The following BCLAF3 variants were observed in gnomAD, a reference collection of about 807,000 sequenced individuals.
BCLAF3 encodes the protein transient octamer binding factor 1.
Under a neutral mutation model 51.2 loss-of-function variants are expected in BCLAF3, and 24 were observed. That is an observed-to-expected ratio of 0.47 (90% CI 0.34 to 0.66). The LOEUF (loss-of-function observed/expected upper bound fraction) is 0.66. Ranked by LOEUF, BCLAF3 falls within the 30% of genes least tolerant of loss-of-function variation. The probability of loss-of-function intolerance (pLI) is 0.01; values close to 1 mark genes in which losing one functional copy is unlikely to be tolerated. For synonymous variants in BCLAF3, 152 were observed against 176.6 expected, an observed-to-expected ratio of 0.86 and a Z score of 1.10; for missense variants, 465 against 525.1, an observed-to-expected ratio of 0.89 and a Z score of 1.12.
chrX:19,939,708 C>T (rs982363256), intron 8 of BCLAF3, among the ~76,000 whole-genome samples: 4 of 111,818 alleles, frequency 3.6e-5, no homozygotes, highest in Non-Finnish European at 7.5e-5. Context: ...TACAGCCATA[C>T]AATGGAATAT....
At chrX:19,963,573 C>G (rs1214762319) in intron 4 of BCLAF3, among the ~76,000 whole-genome samples, 2 of 111,763 alleles carry the variant, frequency 1.8e-5, no homozygotes, top group African/African-American at 6.5e-5. Flanking sequence ...GATTCCCCCC[C>G]TTTATTTCTT....
At chrX:19,936,011 G>A (rs1430047898) in intron 9 of BCLAF3, 113 bp from the exon 10 acceptor site, 1 of 586,576 alleles carries the variant, frequency 1.7e-6, no homozygotes, top group East Asian at 3.4e-5. Context: ...ACACAAAGCA[G>A]GGAGCAGGGA....
At chrX:19,982,842 G>A (rs1035771241) in intron 1 of BCLAF3, among the ~76,000 whole-genome samples, 2 of 110,491 alleles carry the variant, frequency 1.8e-5, no homozygotes, top group East Asian at 5.6e-4. Flanking sequence ...AATAAATGTG[G>A]GTGGGCTTAA....
intron 1 of BCLAF3, among the ~76,000 whole-genome samples, chrX:19,973,722 AT>A (rs746494348): frequency 1.8e-5 from 2 of 111,688 alleles, no homozygotes; most frequent in South Asian, 7.4e-4. Context: ...TTCTGGGTTT[AT>A]TTTGCAATTA....
At chrX:19,988,869 C>G (rs910546691) in intron 1 of BCLAF3, among the ~76,000 whole-genome samples, 5 of 111,668 alleles carry the variant, frequency 4.5e-5, no homozygotes, top group Non-Finnish European at 7.5e-5. Flanking sequence ...GCCTTTGCCT[C>G]ACCTAGATAA....
At chrX:19,989,723 A>G (rs2072892677) in intron 1 of BCLAF3, among the ~76,000 whole-genome samples, 1 of 111,106 alleles carries the variant, frequency 9.0e-6, no homozygotes, top group Non-Finnish European at 1.9e-5. Flanking sequence ...GTTACTTGGA[A>G]TGGGGAAACC....
chrX:19,928,098 GT>G (rs2070417178), intron 11 of BCLAF3, among the ~76,000 whole-genome samples: 1 of 105,056 alleles, frequency 9.5e-6, no homozygotes, highest in Non-Finnish European at 2.0e-5. Context: ...GCCCAGGCTG[GT>G]CTCGAACTCC....
At chrX:19,951,593 C>T (rs1354508487) in intron 7 of BCLAF3, among the ~76,000 whole-genome samples, 2 of 46,948 alleles carry the variant, frequency 4.3e-5, no homozygotes, top group African/African-American at 4.4e-4. Flanking sequence ...GAGACTCTGT[C>T]GCAAAAAAAA....
rs58949658 is a variant in BCLAF3 at position 19,932,525 on chromosome X, A to ATTTT, written c.1951-2589_1951-2586dup. On this transcript the variant is annotated intron_variant, in intron 10 of 11. Transcript: ENST00000379682. The stretch of plus-strand genomic sequence containing the variant: ...TACATCTTTACAGATACAAGTCAAG[A>ATTTT]TTTTTTTTTTTTTTTTTTTTTTTTG... Among the ~76,000 whole-genome samples, 78 of 77,392 alleles carry ATTTT rather than the reference A, an allele frequency of 1.0e-3. 1 individual carries two copies. The highest frequency in any genetic ancestry group is 3.8e-3 in the African/African-American group (68 of 17,713). 67.2% of individuals were successfully genotyped at this position (77,392 alleles called of 115,157 possible).
chrX:19,917,688 T>TA (rs1371488483), intron 11 of BCLAF3, among the ~76,000 whole-genome samples: 1 of 112,019 alleles, frequency 8.9e-6, no homozygotes, highest in Non-Finnish European at 1.9e-5. Context: ...AGCCTGACAC[T>TA]ACACACGCAC....
chrX:19,956,143 A>T (rs2071653131), intron 4 of BCLAF3, among the ~76,000 whole-genome samples: 1 of 112,252 alleles, frequency 8.9e-6, no homozygotes. Flanking sequence ...CAAAGTTATG[A>T]TTGTTAACAC....
chrX:19,935,402 T>C (rs537347234), intron 10 of BCLAF3: 9 of 121,746 alleles, frequency 7.4e-5, no homozygotes, highest in South Asian at 3.1e-4. Flanking sequence ...CCTCTAAGGG[T>C]TGTGTGTCCA....
intron 8 of BCLAF3, among the ~76,000 whole-genome samples, chrX:19,945,468 CTGTT>C (rs1010877359): frequency 9.6e-6 from 1 of 104,557 alleles, no homozygotes; most frequent in Non-Finnish European, 1.9e-5. Context: ...GATGTCCTTT[CTGTT>C]TGTTAGTTTT....
At chrX:19,983,739 T>C (rs1224853077) in intron 1 of BCLAF3, among the ~76,000 whole-genome samples, 2 of 103,824 alleles carry the variant, frequency 1.9e-5, no homozygotes, top group Non-Finnish European at 3.9e-5. Context: ...AATACATAAA[T>C]AGCTGGAAAA....
At chrX:19,932,375 T>C (rs945230666) in intron 10 of BCLAF3, among the ~76,000 whole-genome samples, 1 of 111,609 alleles carries the variant, frequency 9.0e-6, no homozygotes, top group Non-Finnish European at 1.9e-5. Flanking sequence ...TGGCCCCTTT[T>C]AGAATGTTTC....
At chrX:19,964,903 C>T in intron 4 of BCLAF3, 141 bp downstream of exon 4, 2 of 485,663 alleles carry the variant, frequency 4.1e-6, no homozygotes, top group Non-Finnish European at 6.3e-6. Flanking sequence ...CACTACAGGG[C>T]TTTTTTTTTG....
Position 19,953,829 on chromosome X carries a change from T to C in BCLAF3, c.1514A>G (p.His505Arg). ...HERFSTMQDI[H>R]KADVNEIPLN... is the part of the protein sequence containing the mutation. ...TGGAATTTCATTTACATCTGCCTTG[T>C]GTATATCTTGCATTGTTGAGAAACG... Residue 505 changes from histidine to arginine, a missense_variant, in exon 6 of 12, where the codon CAC (histidine) becomes CGC (arginine). His to Arg is a conservative substitution (Grantham distance 29). Transcript: ENST00000379682. 8.3e-7 allele frequency: 1 copy of C among 1,209,072 alleles called. No individual in the cohort carries two copies. Among genetic ancestry groups the C allele is most frequent in the Non-Finnish European group, 1.1e-6 (1 of 893,517 alleles).
In BCLAF3 at chrX:19,949,784, G is replaced by T. The variant is rs768700277; in HGVS notation, c.1745+969C>A. ...ATTATCTTAGCAATTTGATAGAAAA[G>T]ATTATGGAAAAACAATTAGCACTGT... is the stretch of plus-strand genomic sequence containing the variant. On this transcript the variant is annotated intron_variant, in intron 8 of 11. Coordinates refer to ENST00000379682, the MANE Select transcript of BCLAF3 (RefSeq NM_001367774.2). Among the ~76,000 whole-genome samples the T allele has an allele frequency of 9.8e-5, 11 of 112,417 alleles. No individual in the cohort carries two copies. The East Asian group carries it at 3.1e-3, about 31-fold the overall frequency.
At chrX:19,931,241 T>C (rs2070540273) in intron 10 of BCLAF3, among the ~76,000 whole-genome samples, 1 of 111,634 alleles carries the variant, frequency 9.0e-6, no homozygotes, top group Non-Finnish European at 1.9e-5. Flanking sequence ...GTCCTCAGTT[T>C]TGTCAGTCGT....
Sources: allele counts gnomAD v4.1 joint callset (sites outside exome capture counted in the v4.1 genomes callset), GRCh38; gene constraint gnomAD v4.1.1; transcripts MANE v1.5; gene names NCBI Gene and HGNC (gene_info 2026-07-23, HGNC 2026-07-21).